The following SLC24A2 variants were observed in gnomAD, a reference collection of about 807,000 sequenced individuals.
SLC24A2 encodes sodium/potassium/calcium exchanger 2.
Under a neutral mutation model 62.0 loss-of-function variants are expected in SLC24A2, and 36 were observed. That is an observed-to-expected ratio of 0.58 (90% confidence interval 0.44 to 0.77). The LOEUF is 0.77. Ranked by LOEUF, SLC24A2 falls within the 30% of genes least tolerant of loss-of-function variation. SLC24A2 has a pLI of 0.00. For synonymous variants in SLC24A2, 358 were observed against 294.0 expected (o/e 1.22, Z -2.23); for missense variants, 846 against 817.9 (o/e 1.03, Z -0.42).
the SLC24A2 span, among the ~76,000 whole-genome samples, chr9:19,920,515 C>T: frequency 1.3e-5 from 2 of 152,046 alleles, no homozygotes; most frequent in African/African-American, 4.8e-5. Context: ...GGAAGTGAAA[C>T]AGGGGAGGGA....
At chr9:19,828,672 A>G in the SLC24A2 span, among the ~76,000 whole-genome samples, 1 of 152,146 alleles carries the variant, frequency 6.6e-6, no homozygotes. Context: ...AAAACTGGAT[A>G]AAATCTGGTG....
chr9:20,259,457 G>T, the SLC24A2 span, among the ~76,000 whole-genome samples: 3 of 152,220 alleles, frequency 2.0e-5, no homozygotes, highest in Admixed American at 2.0e-4. Flanking sequence ...AAATTAGTTT[G>T]TTTTTAATAT....
At chr9:19,626,867 G>T (rs1332317273) in intron 2 of SLC24A2, among the ~76,000 whole-genome samples, 1 of 151,994 alleles carries the variant, frequency 6.6e-6, no homozygotes, top group Non-Finnish European at 1.5e-5. Flanking sequence ...AAAGCCTATT[G>T]GGAAGACTAG....
At chr9:20,260,239 T>C in the SLC24A2 span, among the ~76,000 whole-genome samples, 1 of 152,232 alleles carries the variant, frequency 6.6e-6, no homozygotes, top group Non-Finnish European at 1.5e-5. Flanking sequence ...TATGGAATAA[T>C]GCAGCAAGAA....
chr9:20,289,956 T>C, the SLC24A2 span, among the ~76,000 whole-genome samples: 1 of 152,086 alleles, frequency 6.6e-6, no homozygotes, highest in African/African-American at 2.4e-5. Context: ...CACACACACA[T>C]TGTAGCATCA....
At chr9:19,691,298 C>T (rs549832592) in intron 2 of SLC24A2, among the ~76,000 whole-genome samples, 1 of 152,298 alleles carries the variant, frequency 6.6e-6, no homozygotes, top group African/African-American at 2.4e-5. Context: ...CACATGCCAG[C>T]CCCCTGAGAC....
intron 2 of SLC24A2, among the ~76,000 whole-genome samples, chr9:19,686,129 A>G (rs1258293358): frequency 6.6e-6 from 1 of 152,198 alleles, no homozygotes; most frequent in Non-Finnish European, 1.5e-5. Context: ...TCAAAAGAAG[A>G]CATACACATG....
the SLC24A2 span, among the ~76,000 whole-genome samples, chr9:20,159,214 T>A: frequency 6.6e-6 from 1 of 151,650 alleles, no homozygotes; most frequent in Non-Finnish European, 1.5e-5. Context: ...ACACGAACCA[T>A]TCCTGAAGAG....
At chr9:19,827,500 G>C in the SLC24A2 span, among the ~76,000 whole-genome samples, 1 of 150,784 alleles carries the variant, frequency 6.6e-6, no homozygotes, top group African/African-American at 2.4e-5. Context: ...ATTTAAAAAT[G>C]TATATATATA....
At chr9:19,702,469 G>A (rs1295685127) in intron 2 of SLC24A2, among the ~76,000 whole-genome samples, 1 of 152,096 alleles carries the variant, frequency 6.6e-6, no homozygotes, top group Non-Finnish European at 1.5e-5. Flanking sequence ...AACAACCCAT[G>A]GTGACTTGTC....
At chr9:20,166,075 A>G in the SLC24A2 span, among the ~76,000 whole-genome samples, 1 of 152,110 alleles carries the variant, frequency 6.6e-6, no homozygotes, top group East Asian at 1.9e-4. Flanking sequence ...TTCAAATGAC[A>G]TAAATATAAT....
intron 2 of SLC24A2, among the ~76,000 whole-genome samples, chr9:19,635,505 T>C (rs1185874819): frequency 3.3e-5 from 5 of 152,190 alleles, no homozygotes; most frequent in Non-Finnish European, 7.3e-5. Flanking sequence ...TATAGGAGCA[T>C]TGGATATCTT....
chr9:19,866,625 C>CTTTTT, the SLC24A2 span, among the ~76,000 whole-genome samples: 3 of 68,188 alleles, frequency 4.4e-5, no homozygotes, highest in African/African-American at 1.2e-4. Context: ...CACGTTTTCA[C>CTTTTT]TTTTTTTTTT....
the SLC24A2 span, among the ~76,000 whole-genome samples, chr9:19,991,499 G>A: frequency 4.6e-5 from 7 of 152,042 alleles, no homozygotes; most frequent in Admixed American, 4.6e-4. Flanking sequence ...GACACACCCG[G>A]GAACAATACT....
chr9:19,639,665 C>T (rs1008960150), intron 2 of SLC24A2, among the ~76,000 whole-genome samples: 4 of 152,226 alleles, frequency 2.6e-5, no homozygotes, highest in African/African-American at 9.6e-5. Flanking sequence ...TCTGGATAAC[C>T]TATTTCCATC....
At chr9:20,169,271 T>C in the SLC24A2 span, among the ~76,000 whole-genome samples, 2 of 151,998 alleles carry the variant, frequency 1.3e-5, no homozygotes, top group South Asian at 2.1e-4. Context: ...TTTAAGAGGA[T>C]CATGACAGAC....
the SLC24A2 span, among the ~76,000 whole-genome samples, chr9:19,893,820 C>A: frequency 7.2e-5 from 11 of 152,092 alleles, no homozygotes; most frequent in African/African-American, 2.7e-4. Flanking sequence ...TCAGGCTTCC[C>A]AATTGTCAAA....
chr9:19,749,497 G>C (rs796399433), intron 2 of SLC24A2, among the ~76,000 whole-genome samples: 3 of 152,220 alleles, frequency 2.0e-5, no homozygotes, highest in African/African-American at 7.2e-5. Flanking sequence ...AATGAGTTTA[G>C]CTGGTCTCTT....
At chr9:20,286,824 G>C in the SLC24A2 span, among the ~76,000 whole-genome samples, 1 of 152,136 alleles carries the variant, frequency 6.6e-6, no homozygotes, top group African/African-American at 2.4e-5. Flanking sequence ...CTACAGAGGA[G>C]GCCGAGAAAG....
Sources: gnomAD v4.1 joint callset for allele counts (sites outside exome capture counted in the v4.1 genomes callset) on GRCh38, gnomAD v4.1.1 for gene constraint, MANE v1.5 for transcripts, NCBI Gene and HGNC (gene_info 2026-07-23, HGNC 2026-07-21) for gene names.